The following LMTK2 variants were observed in gnomAD, a reference collection of about 807,000 sequenced individuals.
LMTK2 encodes the protein lemur tail kinase 2, also known as serine/threonine-protein kinase LMTK2.
LMTK2 carries 37 observed loss-of-function variants against 127.5 expected under a neutral mutation model. The observed-to-expected ratio is 0.29, with a 90% CI of 0.22 to 0.38. LMTK2 has a LOEUF of 0.38. LMTK2 is among the 10% of genes least tolerant of loss of function. The pLI, the probability that LMTK2 is intolerant of heterozygous loss-of-function variation, is 1.00. For missense variants in LMTK2, 1,694 were observed against 1,920.3 expected, an observed-to-expected ratio of 0.88 and a Z score of 2.20; for synonymous variants, 819 against 810.1, an observed-to-expected ratio of 1.01 and a Z score of -0.19.
At chr7:98,205,354 A>G in intron 13 of LMTK2, 110 bp from the exon 14 acceptor site, 1 of 1,383,722 alleles carries the variant, frequency 7.2e-7, no homozygotes, top group Non-Finnish European at 1.0e-6. Flanking sequence ...TGCTGGGCTC[A>G]AAACACCCGC....
At position 98,171,821 on chromosome 7, in the gene LMTK2, T is replaced by C. The variant is rs114672183; in HGVS notation, c.791+147T>C. 4.9e-4 allele frequency: 428 copies of C among 870,880 alleles called. 1 individual carries two copies. The African/African-American group carries it at 6.5e-3, about 13-fold the overall frequency. The allele number at this position is 870,880 out of a possible 1,614,324, so 53.9% of individuals were successfully genotyped here. On this transcript the variant is annotated intron_variant, in intron 7 of 13. Transcript: ENST00000297293. The surrounding 1 kb of genome is among the most constrained non-coding windows in gnomAD (Gnocchi z 5.1). ...GTAGAAGCGATCTCGTTCTTACCCA[T>C]GTCCGGATAAGGGTTGAGTTGGGCT...
intron 3 of LMTK2, among the ~76,000 whole-genome samples, chr7:98,149,966 G>T (rs1443085216): frequency 6.6e-6 from 1 of 152,060 alleles, no homozygotes; most frequent in African/African-American, 2.4e-5. Context: ...ATGAGGCAAA[G>T]ATTTGCATAG....
At chr7:98,176,025 G>T (rs144542411) in intron 7 of LMTK2, among the ~76,000 whole-genome samples, 1 of 152,188 alleles carries the variant, frequency 6.6e-6, no homozygotes, top group Non-Finnish European at 1.5e-5. Flanking sequence ...AATTATTGAC[G>T]ATTCTCCTGA....
chr7:98,191,896 C>G lies in LMTK2; in HGVS notation c.1431C>G (p.Val477=). 1 of 1,614,184 alleles carries G rather than the reference C, an allele frequency of 6.2e-7. No homozygotes were observed. Among genetic ancestry groups the G allele is most frequent in the Non-Finnish European group, 8.5e-7 (1 of 1,180,036 alleles). ...ETSQGLSFEY[V]WEAAKHDHFD... ...GCCAGGGCCTGAGCTTCGAGTATGT[C>G]TGGGAGGCCGCTAAGCACGACCACT... is the stretch of plus-strand genomic sequence containing the variant. The change falls in exon 11 of 14, where the codon GTC becomes GTG. Residue 477 remains valine (V), a synonymous_variant. Coordinates refer to ENST00000297293, the MANE Select transcript of LMTK2 (RefSeq NM_014916.4).
chr7:98,119,538 T>A (rs1054391130), intron 1 of LMTK2, among the ~76,000 whole-genome samples: 13 of 152,310 alleles, frequency 8.5e-5, no homozygotes, highest in African/African-American at 2.2e-4. Flanking sequence ...TCACTCCTTC[T>A]CTAGATGTCT....
chr7:98,168,316 G>T (rs1797133235), intron 6 of LMTK2, among the ~76,000 whole-genome samples: 1 of 152,224 alleles, frequency 6.6e-6, no homozygotes, highest in Non-Finnish European at 1.5e-5. Context: ...GGTTATGGAT[G>T]CCAGTGGGCG....
intron 11 of LMTK2, among the ~76,000 whole-genome samples, chr7:98,199,089 G>A (rs1015334137): frequency 8.6e-5 from 13 of 152,010 alleles, no homozygotes; most frequent in African/African-American, 3.1e-4. Flanking sequence ...ATTTAATATG[G>A]TTTCAATGCT....
chr7:98,147,116 A>T lies in LMTK2; in HGVS notation c.377-4266A>T, dbSNP rs1796785515. Among the ~76,000 whole-genome samples, 2 of 152,118 alleles carry T rather than the reference A, an allele frequency of 1.3e-5. 1 individual carries two copies. Among genetic ancestry groups the T allele is most frequent in the South Asian group, 4.1e-4 (2 of 4,828 alleles). On this transcript the variant is annotated intron_variant, in intron 3 of 13. Transcript: ENST00000297293. Reference sequence around the variant, plus strand: ...TTTTGAGTAATTGGTTGTTAATCTTATTGAGGATCCCTTGTACATGATGAA... The same window carrying T: ...TTTTGAGTAATTGGTTGTTAATCTTTTTGAGGATCCCTTGTACATGATGAA...
chr7:98,123,247 A>G (rs535421945), intron 1 of LMTK2, among the ~76,000 whole-genome samples: 4 of 152,320 alleles, frequency 2.6e-5, no homozygotes, highest in African/African-American at 9.6e-5. Flanking sequence ...ATTCACACAC[A>G]TACGTGCATT....
chr7:98,202,951 A>G (rs1463557232), intron 11 of LMTK2, among the ~76,000 whole-genome samples: 1 of 152,168 alleles, frequency 6.6e-6, no homozygotes, highest in Non-Finnish European at 1.5e-5. Context: ...TCTGGAGCCA[A>G]GCAGTGGGAG....
rs1176736416 is a variant in LMTK2, at chr7:98,192,148, T to C, written c.1683T>C (p.Ser561=). The C allele has an allele frequency of 6.5e-7, 1 of 1,530,720 alleles. No individual in the cohort carries two copies. The highest frequency in any genetic ancestry group is 8.8e-7 in the Non-Finnish European group (1 of 1,142,342). The allele number at this position is 1,530,720 out of a possible 1,614,324, so 94.8% of individuals were successfully genotyped here. A position where few individuals can be genotyped will look rare whatever the true frequency, so the allele number is the denominator to read the frequency against. ...YYIQLEEKSG[S]NLELDYPPAL... is the part of the protein sequence containing the mutation. ...TCCAGTTAGAAGAAAAAAGTGGTAG[T>C]AACTTGGAGCTTGATTACCCACCAG... The change falls in exon 11 of 14, where the codon AGT becomes AGC. Residue 561 remains serine, a synonymous_variant. Coordinates refer to ENST00000297293, the MANE Select transcript of LMTK2 (RefSeq NM_014916.4).
At chr7:98,158,151 A>G (rs1796957450) in intron 5 of LMTK2, among the ~76,000 whole-genome samples, 1 of 152,264 alleles carries the variant, frequency 6.6e-6, no homozygotes. Flanking sequence ...TTTGGACACA[A>G]TATTTTCCAA....
At chr7:98,131,087 A>C (rs1302523191) in intron 1 of LMTK2, among the ~76,000 whole-genome samples, 2 of 152,124 alleles carry the variant, frequency 1.3e-5, no homozygotes, top group African/African-American at 4.8e-5. Flanking sequence ...GCCCCCGTCC[A>C]CTTTCTCCAC....
chr7:98,138,450 C>T (rs1796627408), intron 2 of LMTK2, among the ~76,000 whole-genome samples: 1 of 152,186 alleles, frequency 6.6e-6, no homozygotes, highest in South Asian at 2.1e-4. Context: ...TGGCCGTATA[C>T]ACACAGAGGG....
intron 1 of LMTK2, among the ~76,000 whole-genome samples, chr7:98,118,276 GA>G (rs1796315534): frequency 6.6e-6 from 1 of 152,174 alleles, no homozygotes; most frequent in Non-Finnish European, 1.5e-5. Flanking sequence ...ATAAATATAT[GA>G]AAAATAGATT....
intron 1 of LMTK2, among the ~76,000 whole-genome samples, chr7:98,116,408 A>G (rs904982776): frequency 4.8e-5 from 7 of 147,338 alleles, no homozygotes; most frequent in Admixed American, 2.0e-4. Context: ...GTGTGTGTGC[A>G]TGTGCGTGTG....
At chr7:98,110,753 T>C (rs1282586225) in intron 1 of LMTK2, among the ~76,000 whole-genome samples, 1 of 152,254 alleles carries the variant, frequency 6.6e-6, no homozygotes, top group Non-Finnish European at 1.5e-5. Context: ...CCAGTTCTAT[T>C]GTTCTGCAGC....
At chr7:98,160,739 T>G (rs1797004609) in intron 6 of LMTK2, among the ~76,000 whole-genome samples, 1 of 152,208 alleles carries the variant, frequency 6.6e-6, no homozygotes, top group South Asian at 2.1e-4. Context: ...AAGATTTTCC[T>G]TATAATTCTG....
At chr7:98,165,116 C>T (rs1055443936) in intron 6 of LMTK2, among the ~76,000 whole-genome samples, 1 of 152,140 alleles carries the variant, frequency 6.6e-6, no homozygotes, top group Non-Finnish European at 1.5e-5. Flanking sequence ...TCATGAAGAG[C>T]GGTGACTTGG....
Sources: gnomAD v4.1 joint callset for allele counts (sites outside exome capture counted in the v4.1 genomes callset) on GRCh38, gnomAD v4.1.1 for gene constraint, Gnocchi (gnomAD v3.1) non-coding constraint, MANE v1.5 for transcripts, NCBI Gene and HGNC (gene_info 2026-07-23, HGNC 2026-07-21) for gene names.